Variants in PRKCH observed in about 807,000 individuals in gnomAD.
The protein encoded by PRKCH is protein kinase C eta.
A neutral mutation model predicts 82.5 loss-of-function variants in PRKCH; 28 were observed. That is an observed-to-expected ratio of 0.34 (90% CI 0.25 to 0.47). PRKCH has a LOEUF of 0.47. Ranked by LOEUF, PRKCH falls within the 20% of genes least tolerant of loss-of-function variation. The pLI is 1.00. For missense variants in PRKCH, 705 were observed against 881.8 expected (o/e 0.80, Z 2.54); for synonymous variants, 322 against 327.4 (o/e 0.98, Z 0.18).
chr14:61,288,802 C>T (rs1053422271), intron 1 of PRKCH, among the ~76,000 whole-genome samples: 1 of 152,178 alleles, frequency 6.6e-6, no homozygotes, highest in Non-Finnish European at 1.5e-5. Flanking sequence ...TAGCAATTCT[C>T]TTTGACTTAG....
intron 2 of PRKCH, among the ~76,000 whole-genome samples, chr14:61,412,465 C>A (rs1482790707): frequency 6.6e-6 from 1 of 152,168 alleles, no homozygotes; most frequent in African/African-American, 2.4e-5. Context: ...GCTAATTTAT[C>A]TGAACCATAA....
At chr14:61,208,717 A>G (rs2044546556) in intron 1 of PRKCH, among the ~76,000 whole-genome samples, 1 of 152,244 alleles carries the variant, frequency 6.6e-6, no homozygotes, top group Non-Finnish European at 1.5e-5. Flanking sequence ...ACAACGATTG[A>G]TAAAGTAAAC....
At chr14:61,442,422 C>G (rs1884019689) in intron 2 of PRKCH, 1 of 152,086 alleles carries the variant, frequency 6.6e-6, no homozygotes, top group Non-Finnish European at 1.5e-5. Context: ...TGCGAGGATA[C>G]CAGAATTAAA....
chr14:61,542,011 C>A (rs903984914), intron 12 of PRKCH, among the ~76,000 whole-genome samples: 1 of 152,126 alleles, frequency 6.6e-6, no homozygotes, highest in Admixed American at 6.6e-5. Flanking sequence ...GTTTGTAGGC[C>A]GGGCGTGGTG....
At chr14:61,499,628 C>G (rs1886811349) in intron 10 of PRKCH, among the ~76,000 whole-genome samples, 1 of 152,108 alleles carries the variant, frequency 6.6e-6, no homozygotes, top group African/African-American at 2.4e-5. Flanking sequence ...TTACTGTGTT[C>G]CGCTGACAAA....
At chr14:61,209,085 T>A (rs1480403838) in intron 1 of PRKCH, among the ~76,000 whole-genome samples, 1 of 152,014 alleles carries the variant, frequency 6.6e-6, no homozygotes, top group African/African-American at 2.4e-5. Flanking sequence ...ATTGAGAGAG[T>A]GGGTTTGTTA....
At chr14:61,445,810 C>A in intron 4 of PRKCH, 84 bp downstream of exon 4, 1 of 1,358,900 alleles carries the variant, frequency 7.4e-7, no homozygotes, top group Non-Finnish European at 1.1e-6. Flanking sequence ...AGGGTATCTT[C>A]CCTTAATATT....
At chr14:61,510,345 A>C (rs960969873) in intron 10 of PRKCH, among the ~76,000 whole-genome samples, 1 of 152,138 alleles carries the variant, frequency 6.6e-6, no homozygotes, top group African/African-American at 2.4e-5. Context: ...CAGGAGTTCA[A>C]GTAGGAGGTC....
intron 2 of PRKCH, among the ~76,000 whole-genome samples, chr14:61,433,784 C>T (rs961635701): frequency 7.2e-5 from 11 of 152,058 alleles, no homozygotes; most frequent in Admixed American, 6.6e-4. Context: ...TAGTTGGCTG[C>T]GCAACACATA....
intron 2 of PRKCH, among the ~76,000 whole-genome samples, chr14:61,398,193 A>G (rs553499603): frequency 6.6e-6 from 1 of 152,320 alleles, no homozygotes; most frequent in East Asian, 1.9e-4. Flanking sequence ...TATTATAGTG[A>G]TGAAACAGCC....
At chr14:61,209,906 G>A (rs997810867) in intron 1 of PRKCH, among the ~76,000 whole-genome samples, 5 of 151,514 alleles carry the variant, frequency 3.3e-5, no homozygotes, top group African/African-American at 9.7e-5. Flanking sequence ...AGAACATGCA[G>A]TATTTGATTT....
intron 1 of PRKCH, among the ~76,000 whole-genome samples, chr14:61,241,479 T>A (rs1483357112): frequency 1.3e-5 from 2 of 152,260 alleles, no homozygotes; most frequent in Non-Finnish European, 2.9e-5. Flanking sequence ...GACTTTCCTG[T>A]GATCATCCCC....
chr14:61,396,098 A>G (rs2046778022), intron 2 of PRKCH, among the ~76,000 whole-genome samples: 1 of 138,710 alleles, frequency 7.2e-6, no homozygotes, highest in African/African-American at 2.6e-5. Flanking sequence ...AAAAAAAAAA[A>G]GAAAAGAAAA....
chr14:61,443,060 G>C (rs766413286), intron 2 of PRKCH, 51 bp from the exon 3 acceptor site: 1 of 1,543,218 alleles, frequency 6.5e-7, no homozygotes, highest in Non-Finnish European at 8.8e-7. Context: ...TCTATTAGGT[G>C]CGTTAGGTTC....
intron 9 of PRKCH, among the ~76,000 whole-genome samples, chr14:61,475,757 T>C (rs1197037877): frequency 6.6e-6 from 1 of 152,210 alleles, no homozygotes. Flanking sequence ...TTCCTTTCTG[T>C]TTTTAAAACA....
At chr14:61,504,251 C>A (rs1034068314) in intron 10 of PRKCH, among the ~76,000 whole-genome samples, 2 of 151,930 alleles carry the variant, frequency 1.3e-5, no homozygotes, top group South Asian at 2.1e-4. Context: ...TGCAGTGGTG[C>A]GATCTCGGCT....
chr14:61,353,224 G>C (rs1469795058), intron 1 of PRKCH, among the ~76,000 whole-genome samples: 1 of 152,180 alleles, frequency 6.6e-6, no homozygotes, highest in Non-Finnish European at 1.5e-5. Context: ...TACTTTTCTT[G>C]AGTGGAGAAG....
At chr14:61,519,984 G>T (rs539853428) in intron 10 of PRKCH, among the ~76,000 whole-genome samples, 2 of 150,480 alleles carry the variant, frequency 1.3e-5, no homozygotes, top group Non-Finnish European at 2.9e-5. Flanking sequence ...TGGAGCCTGG[G>T]TTCCAAAAGA....
At chr14:61,377,431 T>TAC (rs1446914174) in intron 1 of PRKCH, among the ~76,000 whole-genome samples, 14 of 152,242 alleles carry the variant, frequency 9.2e-5, no homozygotes, top group Non-Finnish European at 1.8e-4. Flanking sequence ...TCTATTTGAG[T>TAC]ACTTTTGTGT....
Sources: gnomAD v4.1 joint callset for allele counts (sites outside exome capture counted in the v4.1 genomes callset) on GRCh38, gnomAD v4.1.1 for gene constraint, MANE v1.5 for transcripts, NCBI Gene and HGNC (gene_info 2026-07-23, HGNC 2026-07-21) for gene names.